The following PDIA2 variants were observed in gnomAD, a reference collection of about 807,000 sequenced individuals.
PDIA2 encodes the protein protein disulfide-isomerase A2.
PDIA2 carries 76 observed loss-of-function variants against 51.1 expected under a neutral mutation model. That is an observed-to-expected ratio of 1.49 (90% CI 1.24 to 1.80). PDIA2 has a LOEUF of 1.80. Ranked by LOEUF, PDIA2 falls within the 40% of genes most tolerant of loss-of-function variation. PDIA2 has a pLI of 0.00. For synonymous variants in PDIA2, 429 were observed against 309.9 expected, an observed-to-expected ratio of 1.38 and a Z score of -4.04; for missense variants, 946 against 706.5, an observed-to-expected ratio of 1.34 and a Z score of -3.84.
intron 6 of PDIA2, 24 bp downstream of exon 6, chr16:285,461 G>T (rs1349876594): frequency 6.2e-7 from 1 of 1,611,676 alleles, no homozygotes; most frequent in Admixed American, 1.7e-5. Flanking sequence ...GGGGGAAAGG[G>T]GCAGCGGGAG....
At position 286,660 on chromosome 16, in the gene PDIA2, G is replaced by A. The variant is rs11647490; in HGVS notation, c.1347G>A (p.Thr449=). 0.58 allele frequency: 933,935 copies of A among 1,612,436 alleles called. 274,996 individuals are homozygous for A. Among genetic ancestry groups the A allele is most frequent in the East Asian group, 0.76 (34,301 of 44,838 alleles). ...TCATCATTGCTGAGCTGGATGCCAC[G>A]GCCAACGAGCTGGATGCCTTCGCTG... ...EDIIIAELDA[T]ANELDAFAVH... The change falls in exon 9 of 11, where the codon ACG becomes ACA. Residue 449 remains threonine (T), a synonymous_variant. Coordinates refer to ENST00000219406, the MANE Select transcript of PDIA2 (RefSeq NM_006849.4).
chr16:285,943 C>CCCCGCGGTTCT (rs1485699946), intron 7 of PDIA2, among the ~76,000 whole-genome samples: 2 of 99,994 alleles, frequency 2.0e-5, no homozygotes, highest in African/African-American at 4.7e-5. Context: ...CCAACCCCAA[C>CCCCGCGGTTCT]CCCAACCCCA....
chr16:284,807 A>AT lies in PDIA2; in HGVS notation c.540+16dup, dbSNP rs1489691713. 2.6e-5 allele frequency: 41 copies of AT among 1,585,958 alleles called. No homozygotes were observed. The Admixed American group carries it at 7.0e-4, about 27-fold the overall frequency. On this transcript the variant is annotated intron_variant, in intron 3 of 10. Transcript: ENST00000219406. Reference sequence around the variant, plus strand: ...GCTTCTTCCAGGTGAGCCACTGGGCATGGGGGGCCGGGCCATGAGGGCAGT... The same window carrying AT: ...GCTTCTTCCAGGTGAGCCACTGGGCATTGGGGGGCCGGGCCATGAGGGCAGT...
In PDIA2 at chr16:286,729, T is replaced by A; in HGVS notation, c.1416T>A (p.Gly472=). 6.2e-7 allele frequency: 1 copy of A among 1,612,812 alleles called. No homozygotes were observed. The highest frequency in any genetic ancestry group is 8.5e-7 in the Non-Finnish European group (1 of 1,179,948). The change falls in exon 9 of 11, where the codon GGT becomes GGA. Residue 472 remains glycine, a synonymous_variant. Coordinates refer to ENST00000219406, the MANE Select transcript of PDIA2 (RefSeq NM_006849.4). ...TCAAGTACTTCCCAGCAGGGCCAGG[T>A]CGGAAGGTATGGCGGACAGGTGGCT... The part of the protein sequence containing the change: ...PTLKYFPAGP[G]RKVIEYKSTR...
In PDIA2 at chr16:284,415, C is replaced by G; in HGVS notation, c.228C>G (p.Ala76=). Residue 76 remains alanine, a synonymous_variant, in exon 2 of 11, where the codon GCC becomes GCG. Coordinates refer to ENST00000219406, the MANE Select transcript of PDIA2 (RefSeq NM_006849.4). ...FYAPWCGHCQ[A]LAPEYSKAAA... is the part of the protein sequence containing the mutation. Reference sequence around the variant, plus strand: ...CCCCGTGGTGTGGGCACTGCCAGGCCCTGGCCCCCGAGTACAGCAAGGCAG... The same window carrying G: ...CCCCGTGGTGTGGGCACTGCCAGGCGCTGGCCCCCGAGTACAGCAAGGCAG... 2 of 1,575,032 alleles carry G rather than the reference C, an allele frequency of 1.3e-6. No homozygotes were observed. Among genetic ancestry groups the G allele is most frequent in the Non-Finnish European group, 1.7e-6 (2 of 1,164,778 alleles).
chr16:285,634 G>A lies in PDIA2; in HGVS notation c.1050G>A (p.Val350=). ...AAACCACTAAGAAGTATGCGCCTGT[G>A]GATGGGGGCCCTGTCACCGCAGCGT... is the stretch of plus-strand genomic sequence containing the variant. ...NLETTKKYAP[V]DGGPVTAASI... is the part of the protein sequence containing the mutation. The change falls in exon 7 of 11, where the codon GTG becomes GTA. Residue 350 remains valine, a synonymous_variant. Coordinates refer to ENST00000219406, the MANE Select transcript of PDIA2 (RefSeq NM_006849.4). 1 of 1,613,372 alleles carries A rather than the reference G, an allele frequency of 6.2e-7. No individual in the cohort carries two copies.
chr16:285,763 A>G, intron 7 of PDIA2, 60 bp downstream of exon 7: 1 of 1,553,434 alleles, frequency 6.4e-7, no homozygotes, highest in Non-Finnish European at 8.7e-7. Context: ...CCAGCTTGGC[A>G]GGGGGTGGGA....
chr16:285,133 A>C lies in PDIA2; in HGVS notation c.728A>C (p.Asp243Ala). The C allele has an allele frequency of 6.2e-7, 1 of 1,612,734 alleles. No individual in the cohort carries two copies. Among genetic ancestry groups the C allele is most frequent in the Non-Finnish European group, 8.5e-7 (1 of 1,179,774 alleles). ...DFPVDEELGL[D>A]LGDLSRFLVT... The stretch of plus-strand genomic sequence containing the variant: ...CCCGTGGACGAGGAGCTTGGCCTGG[A>C]CCTGGGGGATCTGTCGCGCTTCCTG... Residue 243 changes from aspartate to alanine, a missense_variant, in exon 5 of 11, where the codon GAC becomes GCC. Asp to Ala is a moderately radical substitution (Grantham distance 126). Coordinates refer to ENST00000219406, the MANE Select transcript of PDIA2 (RefSeq NM_006849.4).
At position 286,346 on chromosome 16, in the gene PDIA2, C is replaced by T. The variant is rs201024168; in HGVS notation, c.1120-7C>T. The T allele has an allele frequency of 4.7e-5, 70 of 1,495,980 alleles. No individual in the cohort carries two copies. Among genetic ancestry groups the T allele is most frequent in the Non-Finnish European group, 6.3e-5 (70 of 1,109,022 alleles). 92.7% of individuals were successfully genotyped at this position (1,495,980 alleles called of 1,614,324 possible). On this transcript the variant is annotated splice_polypyrimidine_tract_variant and splice_region_variant and intron_variant, in intron 7 of 10. Coordinates refer to ENST00000219406, the MANE Select transcript of PDIA2 (RefSeq NM_006849.4). ...CCTGGCAAAGCGCCTGTCCTGGTTT[C>T]CCCCAGCCCTATCTCCTGAGCCAGG...
chr16:285,797 C>T, intron 7 of PDIA2, 94 bp downstream of exon 7: 3 of 1,355,036 alleles, frequency 2.2e-6, no homozygotes, highest in African/African-American at 1.5e-5. Flanking sequence ...GAGCCCCCTG[C>T]CCCTGCAGGC....
At position 286,710 on chromosome 16, in the gene PDIA2, A is replaced by G; in HGVS notation, c.1397A>G (p.Tyr466Cys). 1 of 1,612,870 alleles carries G rather than the reference A, an allele frequency of 6.2e-7. No individual in the cohort carries two copies. The highest frequency in any genetic ancestry group is 8.5e-7 in the Non-Finnish European group (1 of 1,179,986). The change falls in exon 9 of 11, where the codon TAC becomes TGC. Residue 466 changes from tyrosine (Y) to cysteine (C), a missense_variant. By Grantham distance (194) the Tyr-to-Cys change is radical. Transcript: ENST00000219406. ...FAVHGFPTLK[Y>C]FPAGPGRKVI... ...GTGCACGGCTTCCCTACTCTCAAGT[A>G]CTTCCCAGCAGGGCCAGGTCGGAAG...
chr16:283,503 C>A, intron 1 of PDIA2, 135 bp downstream of exon 1: 1 of 949,586 alleles, frequency 1.1e-6, no homozygotes, highest in Non-Finnish European at 1.5e-6. Flanking sequence ...CCCCACTGTG[C>A]CCAGGAGCTC....
In PDIA2 at chr16:285,795, T is replaced by C. The variant is rs1015020821; in HGVS notation, c.1119+92T>C. 7.8e-6 allele frequency: 11 copies of C among 1,405,954 alleles called. No individual in the cohort carries two copies. The African/African-American group carries it at 1.4e-4, about 18-fold the overall frequency. 87.1% of individuals were successfully genotyped at this position (1,405,954 alleles called of 1,614,324 possible). A position where few individuals can be genotyped will look rare whatever the true frequency, so the allele number is the denominator to read the frequency against. On this transcript the variant is annotated intron_variant, in intron 7 of 10. Coordinates refer to ENST00000219406, the MANE Select transcript of PDIA2 (RefSeq NM_006849.4). Reference sequence around the variant, plus strand: ...GGGAACAGCAGCTCTCAGAGCCCCCTGCCCCTGCAGGCCCCGCAGAGGCCC... The same window carrying C: ...GGGAACAGCAGCTCTCAGAGCCCCCCGCCCCTGCAGGCCCCGCAGAGGCCC...
intron 1 of PDIA2, among the ~76,000 whole-genome samples, chr16:283,738 G>T (rs575578548): frequency 6.6e-6 from 1 of 152,358 alleles, no homozygotes; most frequent in South Asian, 2.1e-4. Flanking sequence ...GGTCCCTGAC[G>T]TGTGTGCCCT....
At position 284,537 on chromosome 16, in the gene PDIA2, AC is replaced by A; in HGVS notation, c.353del (p.Pro118LeufsTer50). 1 of 1,612,632 alleles carries A rather than the reference AC, an allele frequency of 6.2e-7. No individual in the cohort carries two copies. The highest frequency in any genetic ancestry group is 2.2e-5 in the East Asian group (1 of 44,850). Reference sequence around the variant, plus strand: ...GCTGAGGAGTTTGGTGTGACGGAGTACCCTACGCTCAAGTTCTTCCGCAATG... The same window carrying A: ...GCTGAGGAGTTTGGTGTGACGGAGTACCTACGCTCAAGTTCTTCCGCAATG... ...ELAEEFGVTE[Y>X]PTLKFFRNGN... On this transcript the variant is annotated frameshift_variant, in exon 2 of 11. Coordinates refer to ENST00000219406, the MANE Select transcript of PDIA2 (RefSeq NM_006849.4). LOFTEE classifies it high-confidence loss of function.
chr16:285,792 C>T (rs541617541), intron 7 of PDIA2, 89 bp downstream of exon 7: 2 of 1,416,316 alleles, frequency 1.4e-6, no homozygotes, highest in East Asian at 2.5e-5. Context: ...TCTCAGAGCC[C>T]CCTGCCCCTG....
In PDIA2 at chr16:284,729, GGAC is replaced by G; in HGVS notation, c.480_482del (p.Asp160del). 1 of 1,565,638 alleles carries G rather than the reference GGAC, an allele frequency of 6.4e-7. No homozygotes were observed. Among genetic ancestry groups the G allele is most frequent in the Middle Eastern group, 1.7e-4 (1 of 5,912 alleles). On this transcript the variant is annotated inframe_deletion, in exon 3 of 11. Coordinates refer to ENST00000219406, the MANE Select transcript of PDIA2 (RefSeq NM_006849.4). ...TGGGGCCCAGTGCCATGCGGCTGGA[GGAC>G]GAGGCGGCCGCCCAGGCGCTGATCG...
Position 287,184 on chromosome 16 carries a change from C to A in PDIA2, c.*71C>A. The A allele has an allele frequency of 6.3e-7, 1 of 1,583,384 alleles. No homozygotes were observed. Among genetic ancestry groups the A allele is most frequent in the Non-Finnish European group, 8.7e-7 (1 of 1,154,966 alleles). ...CCCTTGGGTACCAGAGGGAGCTGTG[C>A]ATTGTGAATAAAGAGTGAGCTTGGT... On this transcript the variant is annotated 3_prime_UTR_variant, in exon 11 of 11. Coordinates refer to ENST00000219406, the MANE Select transcript of PDIA2 (RefSeq NM_006849.4).
chr16:285,919 C>T (rs1279487407), intron 7 of PDIA2, among the ~76,000 whole-genome samples: 6 of 107,326 alleles, frequency 5.6e-5, no homozygotes. Flanking sequence ...CCCAACCCCG[C>T]GGTTCTCCCA....
Sources: gnomAD v4.1 joint callset for allele counts (sites outside exome capture counted in the v4.1 genomes callset) on GRCh38, gnomAD v4.1.1 for gene constraint, MANE v1.5 for transcripts, NCBI Gene and HGNC (gene_info 2026-07-23, HGNC 2026-07-21) for gene names.